The following GPC6 variants were observed in gnomAD, a reference collection of about 807,000 sequenced individuals.
GPC6 encodes the protein glypican 6.
Under a neutral mutation model 55.2 loss-of-function variants are expected in GPC6, and 14 were observed. The ratio of observed to expected loss-of-function variants is 0.25; its 90% CI spans 0.17 to 0.40. GPC6 has a LOEUF of 0.40. Ranked by LOEUF, GPC6 falls within the 10% of genes least tolerant of loss-of-function variation. GPC6 has a pLI of 1.00. For missense variants in GPC6, 641 were observed against 708.5 expected, an observed-to-expected ratio of 0.90 and a Z score of 1.08; for synonymous variants, 278 against 259.6, an observed-to-expected ratio of 1.07 and a Z score of -0.68.
chr13:93,830,139 CT>C lies in GPC6; in HGVS notation c.320-14del. 1 of 1,601,522 alleles carries C rather than the reference CT, an allele frequency of 6.2e-7. No individual in the cohort carries two copies. The highest frequency in any genetic ancestry group is 8.5e-7 in the Non-Finnish European group (1 of 1,172,488). ...GATTTCATTAATTTATGACTTCTTT[CT>C]GTTTTATCTGCAGAATTTTTCCGAG... On this transcript the variant is annotated splice_polypyrimidine_tract_variant and intron_variant, in intron 2 of 8. Coordinates refer to ENST00000377047, the MANE Select transcript of GPC6 (RefSeq NM_005708.5).
chr13:93,364,507 TGTG>T (rs1356898166), intron 1 of GPC6, among the ~76,000 whole-genome samples: 5 of 152,062 alleles, frequency 3.3e-5, no homozygotes, highest in Non-Finnish European at 7.4e-5. Context: ...TATATGTTGC[TGTG>T]GTGTGTCATT....
At chr13:93,534,087 G>T (rs1345116942) in intron 1 of GPC6, among the ~76,000 whole-genome samples, 1 of 152,132 alleles carries the variant, frequency 6.6e-6, no homozygotes, top group Non-Finnish European at 1.5e-5. Context: ...TATTCTGAAG[G>T]AGTATGAGGA....
intron 2 of GPC6, among the ~76,000 whole-genome samples, chr13:93,701,329 T>C (rs1288320710): frequency 6.6e-6 from 1 of 152,106 alleles, no homozygotes; most frequent in Non-Finnish European, 1.5e-5. Context: ...GGTTTCTCAG[T>C]GCATTTAAAA....
At chr13:93,772,443 A>C (rs745846740) in intron 2 of GPC6, among the ~76,000 whole-genome samples, 1 of 151,950 alleles carries the variant, frequency 6.6e-6, no homozygotes, top group Non-Finnish European at 1.5e-5. Flanking sequence ...CATTACATGG[A>C]GTTTTCAAGG....
intron 4 of GPC6, among the ~76,000 whole-genome samples, chr13:94,152,856 C>T (rs946112832): frequency 6.6e-6 from 1 of 152,070 alleles, no homozygotes; most frequent in Non-Finnish European, 1.5e-5. Context: ...TCAAGGCAAC[C>T]AATAACTACT....
chr13:93,938,168 T>C (rs956528930), intron 3 of GPC6, among the ~76,000 whole-genome samples: 1 of 152,142 alleles, frequency 6.6e-6, no homozygotes, highest in Non-Finnish European at 1.5e-5. Flanking sequence ...TAGTAGCAAA[T>C]ATAGCCAATT....
At chr13:94,358,864 C>A (rs749279746) in intron 6 of GPC6, among the ~76,000 whole-genome samples, 3 of 152,118 alleles carry the variant, frequency 2.0e-5, no homozygotes, top group Non-Finnish European at 4.4e-5. Flanking sequence ...TTTAGGAAAG[C>A]CTGTTCTAAT....
chr13:94,385,538 CATAAGT>C (rs1880364534), intron 7 of GPC6, among the ~76,000 whole-genome samples: 1 of 152,116 alleles, frequency 6.6e-6, no homozygotes, highest in Non-Finnish European at 1.5e-5. Context: ...TTTTATTATG[CATAAGT>C]ATATTATTAA....
At chr13:94,350,075 T>TTGTGTGTGTGTGTGTGTGTGTGTGTG (rs367555548) in intron 6 of GPC6, among the ~76,000 whole-genome samples, 9 of 150,150 alleles carry the variant, frequency 6.0e-5, no homozygotes, top group African/African-American at 2.2e-4. Context: ...TATATATCTT[T>TTGTGTGTGTGTGTGTGTGTGTGTGTG]TGTGTGTGTG....
chr13:93,428,052 A>T (rs1451696541), intron 1 of GPC6, among the ~76,000 whole-genome samples: 1 of 152,136 alleles, frequency 6.6e-6, no homozygotes, highest in African/African-American at 2.4e-5. Context: ...AGCAAACTCA[A>T]TTAGCTATAT....
chr13:94,198,027 A>G (rs116341418), intron 4 of GPC6, among the ~76,000 whole-genome samples: 13 of 152,370 alleles, frequency 8.5e-5, no homozygotes, highest in African/African-American at 3.1e-4. Context: ...AATACTAACC[A>G]TTGTTATATA....
Position 94,407,762 on chromosome 13 carries a change from T to C in GPC6, c.*4545T>C, listed in dbSNP as rs772257882. ...ACTAATAATTTCCCAATTTAGCCAATTGCATTGATTTTTATACTTCTGAAA... is the reference window on the plus strand; with the variant it reads ...ACTAATAATTTCCCAATTTAGCCAACTGCATTGATTTTTATACTTCTGAAA... On this transcript the variant is annotated 3_prime_UTR_variant, in exon 9 of 9. Transcript: ENST00000377047. 5.9e-5 allele frequency among the ~76,000 whole-genome samples: 9 copies of C among 152,166 alleles called. No homozygotes were observed. The highest frequency in any genetic ancestry group is 1.2e-4 in the Non-Finnish European group (8 of 68,004).
chr13:93,232,814 C>T (rs1876106631), intron 1 of GPC6, among the ~76,000 whole-genome samples: 1 of 152,036 alleles, frequency 6.6e-6, no homozygotes, highest in African/African-American at 2.4e-5. Flanking sequence ...TAACTTCAAT[C>T]ACTAGTTTTG....
At chr13:93,509,264 T>TGATG (rs1204889548) in intron 1 of GPC6, among the ~76,000 whole-genome samples, 12 of 152,242 alleles carry the variant, frequency 7.9e-5, no homozygotes, top group Non-Finnish European at 1.5e-4. Context: ...ACAAGTCAGG[T>TGATG]GATGACATGT....
chr13:94,084,728 G>A (rs1885221365), intron 4 of GPC6, among the ~76,000 whole-genome samples: 2 of 152,112 alleles, frequency 1.3e-5, no homozygotes, highest in South Asian at 4.1e-4. Context: ...AGAGAGTTTA[G>A]TTAACTTGCT....
intron 4 of GPC6, among the ~76,000 whole-genome samples, chr13:94,134,489 A>G (rs970362428): frequency 6.6e-6 from 1 of 152,224 alleles, no homozygotes; most frequent in Non-Finnish European, 1.5e-5. Context: ...AGTTTTGCCT[A>G]TTAAAGTATT....
At chr13:94,319,583 A>G (rs572970244) in intron 6 of GPC6, among the ~76,000 whole-genome samples, 2 of 152,336 alleles carry the variant, frequency 1.3e-5, no homozygotes, top group African/African-American at 2.4e-5. Flanking sequence ...AATACACATT[A>G]TAAGTTTTCC....
intron 3 of GPC6, among the ~76,000 whole-genome samples, chr13:93,979,833 G>A (rs1032736510): frequency 1.8e-4 from 27 of 151,982 alleles, no homozygotes; most frequent in Non-Finnish European, 7.4e-5. Context: ...CAAAATTATA[G>A]CCTATTCACC....
intron 4 of GPC6, among the ~76,000 whole-genome samples, chr13:94,076,314 T>A (rs889472452): frequency 8.6e-5 from 13 of 151,968 alleles, no homozygotes; most frequent in Non-Finnish European, 1.9e-4. Flanking sequence ...ATAAGGTTAT[T>A]TGTCTTTTTG....
Sources: allele counts gnomAD v4.1 joint callset (sites outside exome capture counted in the v4.1 genomes callset), GRCh38; gene constraint gnomAD v4.1.1; transcripts MANE v1.5; gene names NCBI Gene and HGNC (gene_info 2026-07-23, HGNC 2026-07-21).